The following ABCA10 variants were observed in gnomAD, a reference collection of about 807,000 sequenced individuals.
ABCA10 encodes the protein ATP binding cassette subfamily A member 10, also known as ATP-binding cassette sub-family A member 10.
A neutral mutation model predicts 187.5 loss-of-function variants in ABCA10; 169 were observed. The observed-to-expected ratio is 0.90, with a 90% CI of 0.80 to 1.02. The LOEUF is 1.02. ABCA10 is among the 50% of genes least tolerant of loss of function. The pLI is 0.00. For missense variants in ABCA10, 1,727 were observed against 1,812.4 expected (o/e 0.95, Z 0.86); for synonymous variants, 574 against 601.8 (o/e 0.95, Z 0.68).
chr17:69,225,513 A>G lies in ABCA10; in HGVS notation c.-155T>C, dbSNP rs2074787130. 2 of 639,320 alleles carry G rather than the reference A, an allele frequency of 3.1e-6. No individual in the cohort carries two copies. The highest frequency in any genetic ancestry group is 2.7e-6 in the Non-Finnish European group (1 of 372,040). 39.6% of individuals were successfully genotyped at this position (639,320 alleles called of 1,614,324 possible). On this transcript the variant is annotated 5_prime_UTR_variant, in exon 3 of 39. Coordinates refer to ENST00000690296, the MANE Select transcript of ABCA10 (RefSeq NM_001377321.1). Reference sequence around the variant, plus strand: ...GATGCACAAATATAGCCCTAGAAACAATGTTATTGTCCATTCCTCCAGCAC... The same window carrying G: ...GATGCACAAATATAGCCCTAGAAACGATGTTATTGTCCATTCCTCCAGCAC...
upstream of ABCA10, among the ~76,000 whole-genome samples, chr17:69,232,650 A>G (rs1460111478): frequency 2.6e-5 from 4 of 152,164 alleles, no homozygotes; most frequent in African/African-American, 9.7e-5. Flanking sequence ...TAAGTGGTTT[A>G]TGCTCCACAA....
In ABCA10 at chr17:69,153,647, T is replaced by G. The variant is rs185083423; in HGVS notation, c.3966-101A>C. On this transcript the variant is annotated intron_variant, in intron 32 of 38. Coordinates refer to ENST00000690296, the MANE Select transcript of ABCA10 (RefSeq NM_001377321.1). ...AGCACTATTATTCTAGATAGTAAAT[T>G]TAAGCTTCCTTAACGTTTTCATAAA... is the stretch of plus-strand genomic sequence containing the variant. The G allele has an allele frequency of 3.4e-6, 5 of 1,482,238 alleles. No individual in the cohort carries two copies. The East Asian group carries it at 1.1e-4, about 34-fold the overall frequency. 91.8% of individuals were successfully genotyped at this position (1,482,238 alleles called of 1,614,324 possible).
intron 27 of ABCA10, among the ~76,000 whole-genome samples, chr17:69,163,287 G>T (rs1378147239): frequency 6.6e-6 from 1 of 152,162 alleles, no homozygotes; most frequent in Non-Finnish European, 1.5e-5. Flanking sequence ...ACCAAATGGA[G>T]GTGCGCAGCC....
At chr17:69,167,312 T>C (rs750109981) in intron 25 of ABCA10, among the ~76,000 whole-genome samples, 2 of 152,142 alleles carry the variant, frequency 1.3e-5, no homozygotes, top group Non-Finnish European at 2.9e-5. Flanking sequence ...TGGAAAGGAT[T>C]GTCAACATCA....
intron 25 of ABCA10, among the ~76,000 whole-genome samples, chr17:69,166,128 T>C (rs1318337909): frequency 6.6e-6 from 1 of 152,164 alleles, no homozygotes; most frequent in Non-Finnish European, 1.5e-5. Flanking sequence ...TCAAGTGTTG[T>C]AAATATTCCC....
intron 32 of ABCA10, 79 bp from the exon 33 acceptor site, chr17:69,153,625 A>T: frequency 3.2e-6 from 5 of 1,542,860 alleles, no homozygotes; most frequent in Non-Finnish European, 4.4e-6. Flanking sequence ...AACTCTAAGC[A>T]CTATTATTCT....
intron 20 of ABCA10, 27 bp from the exon 21 acceptor site, chr17:69,182,835 G>GAAAAAAAAA: frequency 6.0e-6 from 8 of 1,325,832 alleles, no homozygotes; most frequent in African/African-American, 3.1e-5. Context: ...AAGGCAACAA[G>GAAAAAAAAA]AAAAAAAAAA....
Position 69,155,860 on chromosome 17 carries a change from ACATCTT to A in ABCA10, c.3515_3520del (p.Glu1172_Asp1173del). ...TGCTGCTTGGACTCTTTCAGCTTGAACATCTTCATCTTCTTCTTCGGGCTCTTCCGG... is the reference window on the plus strand; with the variant it reads ...TGCTGCTTGGACTCTTTCAGCTTGAACATCTTCTTCTTCGGGCTCTTCCGG... On this transcript the variant is annotated inframe_deletion, in exon 29 of 39. Coordinates refer to ENST00000690296, the MANE Select transcript of ABCA10 (RefSeq NM_001377321.1). 6.2e-7 allele frequency: 1 copy of A among 1,613,768 alleles called. No individual in the cohort carries two copies. The highest frequency in any genetic ancestry group is 8.5e-7 in the Non-Finnish European group (1 of 1,179,768).
At chr17:69,173,882 G>A (rs2074314369) in intron 25 of ABCA10, among the ~76,000 whole-genome samples, 1 of 151,986 alleles carries the variant, frequency 6.6e-6, no homozygotes, top group Non-Finnish European at 1.5e-5. Flanking sequence ...TGTTTTTTAA[G>A]GAAGGAGAAT....
chr17:69,243,824 G>A (rs571655050), intron 1 of ABCA10, among the ~76,000 whole-genome samples: 1 of 152,280 alleles, frequency 6.6e-6, no homozygotes, highest in African/African-American at 2.4e-5. Flanking sequence ...CCTGAGCCTG[G>A]GAGCTTGAGG....
intron 3 of ABCA10, among the ~76,000 whole-genome samples, chr17:69,224,068 T>C (rs899974002): frequency 6.6e-6 from 1 of 151,938 alleles, no homozygotes; most frequent in African/African-American, 2.4e-5. Flanking sequence ...ACAATGCAAG[T>C]AAGGGAGGCC....
intron 9 of ABCA10, among the ~76,000 whole-genome samples, chr17:69,214,017 A>G (rs1259386839): frequency 6.6e-6 from 1 of 152,200 alleles, no homozygotes; most frequent in Non-Finnish European, 1.5e-5. Flanking sequence ...ACTTGAGCCA[A>G]ATATTAACAA....
At chr17:69,187,530 G>A (rs1598103909) in intron 19 of ABCA10, 151 bp downstream of exon 19, 8 of 790,250 alleles carry the variant, frequency 1.0e-5, no homozygotes, top group Non-Finnish European at 1.5e-5. Context: ...AGCACATGAG[G>A]CAGTCAGGCC....
At chr17:69,195,532 A>T (rs1424766770) in intron 11 of ABCA10, among the ~76,000 whole-genome samples, 1 of 143,672 alleles carries the variant, frequency 7.0e-6, no homozygotes, top group East Asian at 2.0e-4. Context: ...AATTTGAAGC[A>T]TTATCAAACA....
At chr17:69,183,604 T>A (rs1263408503) in intron 20 of ABCA10, among the ~76,000 whole-genome samples, 1 of 151,928 alleles carries the variant, frequency 6.6e-6, no homozygotes, top group African/African-American at 2.4e-5. Flanking sequence ...AATCCGAAGG[T>A]TGAGATCACG....
intron 17 of ABCA10, among the ~76,000 whole-genome samples, chr17:69,190,969 C>T (rs1310790327): frequency 2.0e-5 from 3 of 151,950 alleles, no homozygotes; most frequent in Admixed American, 6.6e-5. Context: ...GAGTGCAAAT[C>T]GGGGTTTCTA....
intron 11 of ABCA10, among the ~76,000 whole-genome samples, chr17:69,194,878 C>G (rs539927157): frequency 3.3e-5 from 5 of 152,104 alleles, no homozygotes; most frequent in Non-Finnish European, 7.4e-5. Flanking sequence ...GCTTGCAGAG[C>G]TGGAAACAGA....
At chr17:69,216,154 T>A in intron 7 of ABCA10, 63 bp downstream of exon 7, 1 of 1,555,194 alleles carries the variant, frequency 6.4e-7, no homozygotes, top group African/African-American at 1.4e-5. Flanking sequence ...CAAAGAAACA[T>A]TATTTGCTCA....
In ABCA10 at chr17:69,174,652, G is replaced by A. The variant is rs200113425; in HGVS notation, c.3003C>T (p.Phe1001=). 1.6e-5 allele frequency: 25 copies of A among 1,610,208 alleles called. No homozygotes were observed. Among genetic ancestry groups the A allele is most frequent in the Non-Finnish European group, 2.1e-5 (25 of 1,178,456 alleles). Residue 1001 remains phenylalanine, a synonymous_variant, in exon 24 of 39, where the codon TTC becomes TTT. Coordinates refer to ENST00000690296, the MANE Select transcript of ABCA10 (RefSeq NM_001377321.1). ...ILFSIHLIYY[F]IFLGFQLSWE... ...ATGAAAGCTGGAATCCCAGAAATAT[G>A]AAGTAGTAAATTAAATGTATTGAAA... is the stretch of plus-strand genomic sequence containing the variant.
Sources: allele counts gnomAD v4.1 joint callset (sites outside exome capture counted in the v4.1 genomes callset), GRCh38; gene constraint gnomAD v4.1.1; transcripts MANE v1.5; gene names NCBI Gene and HGNC (gene_info 2026-07-23, HGNC 2026-07-21).